PNPLA7: variants seen among roughly 807,000 people sequenced by gnomAD.
PNPLA7 encodes patatin like domain 7, lysophospholipase.
A neutral mutation model predicts 161.7 loss-of-function variants in PNPLA7; 153 were observed. That is an observed-to-expected ratio of 0.95 (90% CI 0.83 to 1.08). The LOEUF is 1.08. PNPLA7 is among the 50% of genes least tolerant of loss of function. PNPLA7 has a pLI of 0.00. For synonymous variants in PNPLA7, 809 were observed against 782.1 expected (o/e 1.03, Z -0.57); for missense variants, 1,739 against 1,856.6 (o/e 0.94, Z 1.16).
At chr9:137,531,541 G>C (rs116393128) in intron 8 of PNPLA7, among the ~76,000 whole-genome samples, 1 of 152,218 alleles carries the variant, frequency 6.6e-6, no homozygotes, top group East Asian at 1.9e-4. Context: ...TTCAGATCTC[G>C]GCAGTGCTGT....
chr9:137,486,565 A>AGT lies in PNPLA7; in HGVS notation c.2198-1831_2198-1830dup, dbSNP rs1210951269. 6.6e-6 allele frequency among the ~76,000 whole-genome samples: 1 copy of AGT among 152,100 alleles called. No individual in the cohort carries two copies. The highest frequency in any genetic ancestry group is 1.5e-5 in the Non-Finnish European group (1 of 68,012). The stretch of plus-strand genomic sequence containing the variant: ...TGCTGCCCATCCCACATCCCGAATG[A>AGT]GTGTCCAAGACTCACACAGCCCCAG... On this transcript the variant is annotated intron_variant, in intron 20 of 34. Coordinates refer to ENST00000406427, the MANE Select transcript of PNPLA7 (RefSeq NM_001098537.3). The surrounding 1 kb of genome is among the most constrained non-coding windows in gnomAD (Gnocchi z 6.0).
rs1008964528 is a variant in PNPLA7, at chr9:137,523,360, C to T, written c.748-503G>A. Among the ~76,000 whole-genome samples, 3 of 152,056 alleles carry T rather than the reference C, an allele frequency of 2.0e-5. No homozygotes were observed. Among genetic ancestry groups the T allele is most frequent in the South Asian group, 2.1e-4 (1 of 4,822 alleles). On this transcript the variant is annotated intron_variant, in intron 8 of 34. Transcript: ENST00000406427. This position sits in a 1 kb window ranked among gnomAD's most constrained non-coding sequence, Gnocchi z 4.4. The stretch of plus-strand genomic sequence containing the variant: ...GCCTAGGACAGGGAGCGCGCACTGC[C>T]GGGTCGCACGAGGCCCAGGTGAGGA...
rs536463103 is a variant in PNPLA7, at chr9:137,507,114, G to A, written c.1226-1031C>T. On this transcript the variant is annotated intron_variant, in intron 12 of 34. Transcript: ENST00000406427. ...AGGGGCGCATGTCTCCGAGGCTTACGCTGAGGGTGCGCTGGTCGGGTTTCA... is the reference window on the plus strand; with the variant it reads ...AGGGGCGCATGTCTCCGAGGCTTACACTGAGGGTGCGCTGGTCGGGTTTCA... 5.6e-4 allele frequency among the ~76,000 whole-genome samples: 85 copies of A among 152,374 alleles called. 1 individual carries two copies. The highest frequency in any genetic ancestry group is 2.1e-3 in the Admixed American group (32 of 15,310).
intron 12 of PNPLA7, among the ~76,000 whole-genome samples, chr9:137,508,198 C>A (rs1233404924): frequency 6.6e-6 from 1 of 152,062 alleles, no homozygotes; most frequent in Middle Eastern, 3.2e-3. Context: ...TGCACCCCAG[C>A]CTGGGCCATG....
intron 18 of PNPLA7, 102 bp from the exon 19 acceptor site, chr9:137,495,248 A>C: frequency 2.7e-6 from 2 of 736,392 alleles, no homozygotes; most frequent in Non-Finnish European, 4.4e-6. Context: ...CACACATGAC[A>C]CCCCATCCAC....
chr9:137,489,698 G>A (rs1018538229), intron 20 of PNPLA7, among the ~76,000 whole-genome samples: 2 of 152,166 alleles, frequency 1.3e-5, no homozygotes, highest in African/African-American at 2.4e-5. Context: ...ACCAAAACAC[G>A]ATGACAGAAC....
At position 137,540,584 on chromosome 9, in the gene PNPLA7, A is replaced by C. The variant is rs1836140111; in HGVS notation, c.747+58T>G. The C allele has an allele frequency of 6.9e-6, 10 of 1,456,890 alleles. No homozygotes were observed. In the South Asian group the frequency reaches 1.1e-4, roughly 16 times the overall value. The allele number at this position is 1,456,890 out of a possible 1,614,324, so 90.2% of individuals were successfully genotyped here. On this transcript the variant is annotated intron_variant, in intron 8 of 34. Transcript: ENST00000406427. The surrounding 1 kb of genome is among the most constrained non-coding windows in gnomAD (Gnocchi z 5.1). ...CCAGCTGTCCAGACAAGACAGAAAA[A>C]CCAGGCCTCCGGGGCCAACCCAGGG...
In PNPLA7 at chr9:137,515,359, C is replaced by T. The variant is rs756820056; in HGVS notation, c.1225+20G>A. Reference sequence around the variant, plus strand: ...GGGCCTGTGGGTCACACTGGCTGGGCAGCCGTCGAGGTTCTTTACCTTGTG... The same window carrying T: ...GGGCCTGTGGGTCACACTGGCTGGGTAGCCGTCGAGGTTCTTTACCTTGTG... On this transcript the variant is annotated intron_variant, in intron 12 of 34. Coordinates refer to ENST00000406427, the MANE Select transcript of PNPLA7 (RefSeq NM_001098537.3). 6.3e-7 allele frequency: 1 copy of T among 1,593,192 alleles called. No homozygotes were observed. The highest frequency in any genetic ancestry group is 1.1e-5 in the South Asian group (1 of 87,886).
rs747402981 is a variant in PNPLA7 at position 137,547,611 on chromosome 9, T to A, written c.79A>T (p.Thr27Ser). The change falls in exon 2 of 35, where the codon ACG becomes TCG. Residue 27 changes from threonine to serine, a missense_variant. This residue lies in a region of PNPLA7 where 209 missense variants were observed against 252.8 expected (regional missense o/e 0.83). Transcript: ENST00000406427. This position sits in a 1 kb window ranked among gnomAD's most constrained non-coding sequence, Gnocchi z 4.6. ...ATGGTGGACGGTGAACCTTCCTCCG[T>A]GAACCACAGTCCCCAAGAGTGCAGG... ...TALHSWGLWF[T>S]EEGSPSTMLT... 28 of 1,613,212 alleles carry A rather than the reference T, an allele frequency of 1.7e-5. No individual in the cohort carries two copies. In the East Asian group the frequency reaches 5.8e-4, roughly 33 times the overall value.
At chr9:137,536,026 G>A (rs1236702820) in intron 8 of PNPLA7, among the ~76,000 whole-genome samples, 2 of 150,228 alleles carry the variant, frequency 1.3e-5, no homozygotes, top group South Asian at 2.1e-4. Flanking sequence ...GGCAGTGGGC[G>A]CCTGTAGTCC....
chr9:137,535,051 C>T (rs1277769922), intron 8 of PNPLA7, among the ~76,000 whole-genome samples: 4 of 152,248 alleles, frequency 2.6e-5, no homozygotes, highest in African/African-American at 4.8e-5. Flanking sequence ...AGAGAGACCA[C>T]GTGGCCCATA....
chr9:137,500,903 C>T lies in PNPLA7; in HGVS notation c.1552-7G>A, dbSNP rs1462692613. 6.4e-7 allele frequency: 1 copy of T among 1,559,386 alleles called. No individual in the cohort carries two copies. The highest frequency in any genetic ancestry group is 8.6e-7 in the Non-Finnish European group (1 of 1,156,738). On this transcript the variant is annotated splice_region_variant and splice_polypyrimidine_tract_variant and intron_variant, in intron 15 of 34. Coordinates refer to ENST00000406427, the MANE Select transcript of PNPLA7 (RefSeq NM_001098537.3). This position sits in a 1 kb window ranked among gnomAD's most constrained non-coding sequence, Gnocchi z 5.5. Reference sequence around the variant, plus strand: ...CGAACAGGATGCTGGCGTCCTGACACACGAGAGGGCTCAGGAGGCGCCGCG... The same window carrying T: ...CGAACAGGATGCTGGCGTCCTGACATACGAGAGGGCTCAGGAGGCGCCGCG...
chr9:137,464,092 C>T, intron 28 of PNPLA7, 34 bp downstream of exon 28: 1 of 1,606,694 alleles, frequency 6.2e-7, no homozygotes, highest in Non-Finnish European at 8.5e-7. Flanking sequence ...CACCTCGCAC[C>T]CAAGCGGCCG....
intron 25 of PNPLA7, among the ~76,000 whole-genome samples, chr9:137,475,610 G>C (rs1831913449): frequency 2.0e-5 from 3 of 151,858 alleles, no homozygotes; most frequent in South Asian, 2.1e-4. Context: ...TCCTGACCTT[G>C]TGATCTGCCC....
At chr9:137,470,998 C>T (rs943561943) in intron 25 of PNPLA7, among the ~76,000 whole-genome samples, 3 of 152,234 alleles carry the variant, frequency 2.0e-5, no homozygotes, top group African/African-American at 7.2e-5. Context: ...ACACCTGCTC[C>T]CGCGCCTGGA....
chr9:137,496,230 C>T (rs987033508), intron 18 of PNPLA7, among the ~76,000 whole-genome samples: 1 of 151,620 alleles, frequency 6.6e-6, no homozygotes, highest in African/African-American at 2.4e-5. Flanking sequence ...GCCTCAGCCT[C>T]CCGAGTAGCT....
At chr9:137,475,293 C>T (rs1328120078) in intron 25 of PNPLA7, among the ~76,000 whole-genome samples, 1 of 152,098 alleles carries the variant, frequency 6.6e-6, no homozygotes, top group South Asian at 2.1e-4. Flanking sequence ...GGGAGGATTG[C>T]TTGAAGCTGG....
In PNPLA7 at chr9:137,543,799, T is replaced by C. The variant is rs1836344302; in HGVS notation, c.290A>G (p.Asn97Ser). 3 of 1,613,576 alleles carry C rather than the reference T, an allele frequency of 1.9e-6. No individual in the cohort carries two copies. The highest frequency in any genetic ancestry group is 1.7e-5 in the Admixed American group (1 of 59,994). The change falls in exon 5 of 35, where the codon AAC (asparagine) becomes AGC (serine). Residue 97 changes from asparagine to serine, a missense_variant. Physicochemically the swap from Asn to Ser is conservative, Grantham distance 46 (BLOSUM62 1). This residue lies in a region of PNPLA7 where 209 missense variants were observed against 252.8 expected (regional missense o/e 0.83). Coordinates refer to ENST00000406427, the MANE Select transcript of PNPLA7 (RefSeq NM_001098537.3). The surrounding 1 kb of genome is among the most constrained non-coding windows in gnomAD (Gnocchi z 6.9). Reference protein sequence around the residue: ...KIMRKVTTLPNTLVENTALPR... With the variant: ...KIMRKVTTLPSTLVENTALPR... ...CAGGGCAGTGTTCTCCACAAGGGTG[T>C]TGGGGAGTGTGGTCACCTGCAGAGC... is the stretch of plus-strand genomic sequence containing the variant.
intron 25 of PNPLA7, among the ~76,000 whole-genome samples, chr9:137,474,830 G>A (rs190287485): frequency 1.3e-5 from 2 of 148,478 alleles, no homozygotes; most frequent in African/African-American, 5.0e-5. Context: ...GGTTAACACA[G>A]TGAAACCCCA....
Sources: allele counts gnomAD v4.1 joint callset (sites outside exome capture counted in the v4.1 genomes callset), GRCh38; gene constraint gnomAD v4.1.1; regional missense constraint gnomAD v4.1.1; non-coding constraint Gnocchi (gnomAD v3.1); transcripts MANE v1.5; gene names NCBI Gene and HGNC (gene_info 2026-07-23, HGNC 2026-07-21).